SLC4A10: variants seen among roughly 807,000 people sequenced by gnomAD.
SLC4A10 encodes sodium-driven chloride bicarbonate exchanger.
A neutral mutation model predicts 137.7 loss-of-function variants in SLC4A10; 42 were observed. The ratio of observed to expected loss-of-function variants is 0.30; its 90% CI spans 0.24 to 0.39. The LOEUF (loss-of-function observed/expected upper bound fraction) is 0.39. Ranked by LOEUF, SLC4A10 falls within the 10% of genes least tolerant of loss-of-function variation. The pLI, the probability that SLC4A10 is intolerant of heterozygous loss-of-function variation, is 1.00. For missense variants in SLC4A10, 925 were observed against 1,355.0 expected (o/e 0.68, Z 4.98); for synonymous variants, 474 against 464.1 (o/e 1.02, Z -0.27).
At position 161,624,446 on chromosome 2, in the gene SLC4A10, C is replaced by T; in HGVS notation, c.-73C>T. On this transcript the variant is annotated 5_prime_UTR_variant, in exon 1 of 27. Transcript: ENST00000446997. ...TACCTGATCCGAATACTAAGCAGAG[C>T]GAGTGCCGGGCTGAGTGTAAGACAC... The T allele has an allele frequency of 6.5e-7, 1 of 1,548,540 alleles. No individual in the cohort carries two copies. The highest frequency in any genetic ancestry group is 8.7e-7 in the Non-Finnish European group (1 of 1,145,112).
intron 10 of SLC4A10, among the ~76,000 whole-genome samples, chr2:161,886,846 G>A (rs1027228871): frequency 6.6e-6 from 1 of 151,900 alleles, no homozygotes; most frequent in Non-Finnish European, 1.5e-5. Context: ...GAACGTGCAG[G>A]CTTGTTACAT....
chr2:161,872,250 A>G (rs2061174546), intron 6 of SLC4A10, 43 bp from the exon 7 acceptor site: 1 of 1,481,860 alleles, frequency 6.7e-7, no homozygotes, highest in South Asian at 1.1e-5. Context: ...GTCTACAACT[A>G]TGTAAGTAAT....
At position 161,802,393 on chromosome 2, in the gene SLC4A10, G is replaced by A. The variant is rs11890983; in HGVS notation, c.131-2056G>A. ...AAAAAATAAATATTTTCTTTTTTGCGTTTTATTGAAAAAATCACGTAATTT... is the reference window on the plus strand; with the variant it reads ...AAAAAATAAATATTTTCTTTTTTGCATTTTATTGAAAAAATCACGTAATTT... On this transcript the variant is annotated intron_variant, in intron 2 of 26. Transcript: ENST00000446997. 2.0e-3 allele frequency among the ~76,000 whole-genome samples: 300 copies of A among 151,774 alleles called. 1 individual carries two copies. The highest frequency in any genetic ancestry group is 6.8e-3 in the African/African-American group (281 of 41,456).
Position 161,818,495 on chromosome 2 carries a change from C to A in SLC4A10, c.277+13900C>A, listed in dbSNP as rs181160036. 5.3e-3 allele frequency among the ~76,000 whole-genome samples: 814 copies of A among 152,222 alleles called. 3 individuals carry two copies. Among genetic ancestry groups the A allele is most frequent in the Non-Finnish European group, 6.6e-3 (447 of 68,002 alleles). ...TCCTTCTCCTGCCTGATTGCTCTGG[C>A]CAGAACTTCCAACACTATGTTGAAT... On this transcript the variant is annotated intron_variant, in intron 3 of 26. Coordinates refer to ENST00000446997, the MANE Select transcript of SLC4A10 (RefSeq NM_001178015.2).
At chr2:161,834,660 T>TACAC (rs72327926) in intron 3 of SLC4A10, among the ~76,000 whole-genome samples, 9,048 of 140,862 alleles carry the variant, frequency 0.064, 414 homozygotes, top group East Asian at 0.22. Context: ...CTTTATCGCC[T>TACAC]ACACACACAC....
intron 1 of SLC4A10, among the ~76,000 whole-genome samples, chr2:161,693,266 C>T (rs1325707213): frequency 6.6e-6 from 1 of 152,018 alleles, no homozygotes; most frequent in African/African-American, 2.4e-5. Flanking sequence ...ATGCATTGGT[C>T]AGGAATTCCA....
intron 1 of SLC4A10, among the ~76,000 whole-genome samples, chr2:161,742,679 A>G (rs924371680): frequency 2.0e-5 from 3 of 151,644 alleles, no homozygotes; most frequent in African/African-American, 7.3e-5. Flanking sequence ...ACCTCAAGTG[A>G]TCCTCCTGCC....
intron 6 of SLC4A10, among the ~76,000 whole-genome samples, chr2:161,868,055 A>G (rs559848627): frequency 2.2e-4 from 33 of 152,084 alleles, no homozygotes; most frequent in African/African-American, 7.7e-4. Context: ...GTAGAAAATA[A>G]TGATACATTT....
intron 1 of SLC4A10, among the ~76,000 whole-genome samples, chr2:161,642,706 T>C (rs938789260): frequency 6.6e-6 from 1 of 151,988 alleles, no homozygotes; most frequent in Admixed American, 6.6e-5. Context: ...ATTCAACTCA[T>C]TTAGGGAGGT....
At chr2:161,933,582 C>T (rs1421631069) in intron 15 of SLC4A10, among the ~76,000 whole-genome samples, 1 of 152,028 alleles carries the variant, frequency 6.6e-6, no homozygotes, top group African/African-American at 2.4e-5. Context: ...GTTATAGAGA[C>T]AACATTCTTG....
intron 1 of SLC4A10, among the ~76,000 whole-genome samples, chr2:161,702,777 AGTT>A (rs1212246757): frequency 2.0e-5 from 3 of 151,828 alleles, no homozygotes; most frequent in African/African-American, 7.2e-5. Context: ...CTATTCAAAG[AGTT>A]GTTTTGCCTT....
chr2:161,708,849 G>T, intron 1 of SLC4A10: 1 of 1,523,592 alleles, frequency 6.6e-7, no homozygotes, highest in Non-Finnish European at 8.8e-7. Flanking sequence ...CATGAATTAT[G>T]ATGATAATAT....
intron 10 of SLC4A10, among the ~76,000 whole-genome samples, chr2:161,894,019 A>G (rs2063191257): frequency 6.6e-6 from 1 of 152,060 alleles, no homozygotes; most frequent in Admixed American, 6.6e-5. Flanking sequence ...TTGCACCATC[A>G]TAAAGTCAAA....
rs761176181 is a variant in SLC4A10 at position 161,957,167 on chromosome 2, G to A, written c.2720G>A (p.Arg907Gln). The change falls in exon 20 of 27, where the codon CGG becomes CAG. Residue 907 changes from arginine to glutamine, a missense_variant. Arg to Gln is a conservative substitution (Grantham distance 43). Transcript: ENST00000446997. ...PGEQPKFLGI[R>Q]EQRVTGLMIF... ...GAACAACCCAAATTTCTCGGCATTC[G>A]GGAGCAAAGGGTTACTGGGCTTATG... 22 of 1,613,568 alleles carry A rather than the reference G, an allele frequency of 1.4e-5. No individual in the cohort carries two copies. Among genetic ancestry groups the A allele is most frequent in the South Asian group, 4.4e-5 (4 of 91,052 alleles).
chr2:161,803,222 A>AT (rs1559283862), intron 2 of SLC4A10, among the ~76,000 whole-genome samples: 1 of 152,096 alleles, frequency 6.6e-6, no homozygotes, highest in Non-Finnish European at 1.5e-5. Flanking sequence ...TTTTAGATCA[A>AT]TTTTAAGTTT....
chr2:161,921,278 CTGAG>C (rs1204163036), intron 15 of SLC4A10, among the ~76,000 whole-genome samples: 1 of 152,132 alleles, frequency 6.6e-6, no homozygotes, highest in East Asian at 1.9e-4. Context: ...ATCACTAGAT[CTGAG>C]AGTAGTTACG....
chr2:161,690,697 C>G (rs964422063), intron 1 of SLC4A10, among the ~76,000 whole-genome samples: 1 of 152,024 alleles, frequency 6.6e-6, no homozygotes, highest in Admixed American at 6.6e-5. Flanking sequence ...GAGCAGAAAA[C>G]CAAACACCAC....
chr2:161,950,718 C>T lies in SLC4A10; in HGVS notation c.2411C>T (p.Thr804Met), dbSNP rs1038017615. The change falls in exon 19 of 27, where the codon ACG becomes ATG. Residue 804 changes from threonine to methionine, a missense_variant. By Grantham distance (81) the Thr-to-Met change is moderately conservative. Transcript: ENST00000446997. ...PTRDDRGWFV[T>M]PLGPNPWWTV... The stretch of plus-strand genomic sequence containing the variant: ...AGAGATGATCGTGGCTGGTTTGTTA[C>T]GCCTTTAGGTCCAAACCCATGGTGG... 1.3e-5 allele frequency: 20 copies of T among 1,592,210 alleles called. No homozygotes were observed. The highest frequency in any genetic ancestry group is 2.7e-5 in the African/African-American group (2 of 74,640).
intron 24 of SLC4A10, among the ~76,000 whole-genome samples, chr2:161,974,822 C>T (rs1017969087): frequency 6.6e-6 from 1 of 152,134 alleles, no homozygotes; most frequent in African/African-American, 2.4e-5. Context: ...TGTACAAAGA[C>T]ATAGCAAAAG....
Sources: gnomAD v4.1 joint callset for allele counts (sites outside exome capture counted in the v4.1 genomes callset) on GRCh38, gnomAD v4.1.1 for gene constraint, MANE v1.5 for transcripts, NCBI Gene and HGNC (gene_info 2026-07-23, HGNC 2026-07-21) for gene names.